Variants in CD247 observed in about 807,000 individuals in gnomAD.
CD247 encodes the protein CD247 molecule.
CD247 carries 13 observed loss-of-function variants against 30.0 expected under a neutral mutation model. The observed-to-expected ratio is 0.43, with a 90% CI of 0.28 to 0.69. CD247 has a LOEUF of 0.69. CD247 is among the 30% of genes least tolerant of loss of function. The pLI is 0.16. For missense variants in CD247, 193 were observed against 212.6 expected (o/e 0.91, Z 0.57); for synonymous variants, 72 against 80.0 (o/e 0.90, Z 0.53).
chr1:167,488,549 G>A (rs1654309596), intron 1 of CD247, among the ~76,000 whole-genome samples: 1 of 152,212 alleles, frequency 6.6e-6, no homozygotes, highest in Admixed American at 6.5e-5. Flanking sequence ...CTGGGGGATG[G>A]AGTGGGATGA....
At chr1:167,484,107 G>T (rs34658129) in intron 1 of CD247, among the ~76,000 whole-genome samples, 1 of 152,240 alleles carries the variant, frequency 6.6e-6, no homozygotes, top group African/African-American at 2.4e-5. Flanking sequence ...ATACAAAATC[G>T]CAGGTGAGAT....
chr1:167,518,393 A>G lies in CD247; in HGVS notation c.58+15T>C, dbSNP rs1655709170. On this transcript the variant is annotated intron_variant, in intron 1 of 7. Transcript: ENST00000362089. ...AGTTTCTAGAAGTTCCCTGCCGTCG[A>G]CACGTCGGCCCTACCTGTAATCGGC... 1.2e-6 allele frequency: 2 copies of G among 1,613,782 alleles called. No homozygotes were observed. Among genetic ancestry groups the G allele is most frequent in the East Asian group, 4.5e-5 (2 of 44,888 alleles).
At chr1:167,472,655 G>A (rs945116337) in intron 1 of CD247, among the ~76,000 whole-genome samples, 1 of 152,116 alleles carries the variant, frequency 6.6e-6, no homozygotes, top group Non-Finnish European at 1.5e-5. Flanking sequence ...TTGAAGTCAG[G>A]TCCTACTGCA....
intron 1 of CD247, among the ~76,000 whole-genome samples, chr1:167,459,321 A>G (rs533904327): frequency 3.7e-4 from 52 of 140,882 alleles, no homozygotes; most frequent in Non-Finnish European, 7.5e-4. Flanking sequence ...GAAATACACT[A>G]CTTTCTCTGG....
chr1:167,514,176 G>A (rs969123931), intron 1 of CD247, among the ~76,000 whole-genome samples: 11 of 151,528 alleles, frequency 7.3e-5, no homozygotes, highest in South Asian at 2.1e-4. Context: ...TTGCTCTGTC[G>A]CCCAGGCTGG....
intron 1 of CD247, among the ~76,000 whole-genome samples, chr1:167,445,791 C>T (rs1381901064): frequency 2.0e-5 from 3 of 152,226 alleles, no homozygotes; most frequent in African/African-American, 7.2e-5. Context: ...AAAATACACG[C>T]TGGTGCCCTT....
In CD247 at chr1:167,508,920, C is replaced by A. The variant is rs1033209491; in HGVS notation, c.58+9488G>T. On this transcript the variant is annotated intron_variant, in intron 1 of 7. Transcript: ENST00000362089. ...GCTTATGGGCTCTCAATCATTTAAC[C>A]TTCATCTTCAAAACACTGGCCTGGC... 4.6e-5 allele frequency among the ~76,000 whole-genome samples: 7 copies of A among 152,146 alleles called. 1 individual carries two copies. In the South Asian group the frequency reaches 8.3e-4, roughly 18 times the overall value.
At chr1:167,504,368 C>T (rs1367853765) in intron 1 of CD247, among the ~76,000 whole-genome samples, 2 of 152,196 alleles carry the variant, frequency 1.3e-5, no homozygotes, top group Non-Finnish European at 2.9e-5. Context: ...GTAATGCAGC[C>T]GCTGACATAC....
In CD247 at chr1:167,439,398, G is replaced by T; in HGVS notation, c.165C>A (p.Phe55Leu). Residue 55 changes from phenylalanine to leucine, a missense_variant and splice_region_variant, in exon 3 of 8, where the codon TTC becomes TTA. Physicochemically the swap from Phe to Leu is conservative, Grantham distance 22. Transcript: ENST00000362089. Reference sequence around the variant, plus strand: ...ACGCGGGGGCGTCTGCGCTCCTGCTGAACTGCAACACAGAAAGCAAAGCGC... The same window carrying T: ...ACGCGGGGGCGTCTGCGCTCCTGCTTAACTGCAACACAGAAAGCAAAGCGC... ...ILTALFLRVK[F>L]SRSADAPAYQ... The T allele has an allele frequency of 6.2e-7, 1 of 1,614,028 alleles. No homozygotes were observed. The highest frequency in any genetic ancestry group is 8.5e-7 in the Non-Finnish European group (1 of 1,179,852).
chr1:167,463,464 G>C (rs1260733102), intron 1 of CD247, among the ~76,000 whole-genome samples: 1 of 152,202 alleles, frequency 6.6e-6, no homozygotes, highest in Non-Finnish European at 1.5e-5. Flanking sequence ...AAAGGAGAAA[G>C]GGAGAGGGAG....
At chr1:167,505,624 C>T (rs188639059) in intron 1 of CD247, among the ~76,000 whole-genome samples, 170 of 152,332 alleles carry the variant, frequency 1.1e-3, no homozygotes, top group African/African-American at 3.6e-3. Context: ...CAGGTCAGGG[C>T]CTATGGCACA....
intron 1 of CD247, among the ~76,000 whole-genome samples, chr1:167,467,074 G>T (rs370511871): frequency 2.6e-5 from 4 of 152,158 alleles, no homozygotes; most frequent in Admixed American, 2.6e-4. Context: ...TCCTGACCTC[G>T]TGATCCGCCC....
chr1:167,518,410 G>C lies in CD247; in HGVS notation c.56C>G (p.Thr19Arg). 6.2e-7 allele frequency: 1 copy of C among 1,614,138 alleles called. No individual in the cohort carries two copies. Reference protein sequence around the residue: ...AAILQAQLPITEAQSFGLLDP... With the variant: ...AAILQAQLPIREAQSFGLLDP... ...TGCCGTCGACACGTCGGCCCTACCT[G>C]TAATCGGCAACTGTGCCTGCAGGAT... The change falls in exon 1 of 8, where the codon ACA becomes AGA. Residue 19 changes from threonine (T) to arginine (R), a missense_variant and splice_region_variant. Transcript: ENST00000362089.
At chr1:167,457,041 C>T (rs894076655) in intron 1 of CD247, among the ~76,000 whole-genome samples, 1 of 152,184 alleles carries the variant, frequency 6.6e-6, no homozygotes, top group African/African-American at 2.4e-5. Flanking sequence ...TTCTGAGGAC[C>T]GGCTTGGTGG....
At chr1:167,480,591 T>G (rs1653935323) in intron 1 of CD247, among the ~76,000 whole-genome samples, 1 of 152,200 alleles carries the variant, frequency 6.6e-6, no homozygotes, top group African/African-American at 2.4e-5. Context: ...AGAGTGACTG[T>G]GGGATATCCT....
At chr1:167,440,211 C>A (rs977669724) in intron 2 of CD247, 2 of 244,036 alleles carry the variant, frequency 8.2e-6, no homozygotes, top group African/African-American at 4.4e-5. Flanking sequence ...CCATGACCAG[C>A]CCCACGAAGA....
At chr1:167,488,888 C>T (rs1378110165) in intron 1 of CD247, among the ~76,000 whole-genome samples, 3 of 152,064 alleles carry the variant, frequency 2.0e-5, no homozygotes, top group Non-Finnish European at 2.9e-5. Context: ...CCCAGGGAAG[C>T]GAGGGTGTGC....
At chr1:167,434,450 A>C in intron 5 of CD247, 1 of 360,550 alleles carries the variant, frequency 2.8e-6, no homozygotes, top group African/African-American at 2.1e-5. Context: ...TACACAGCCA[A>C]ACGGGCTGTA....
chr1:167,505,304 A>G (rs1655071177), intron 1 of CD247, among the ~76,000 whole-genome samples: 1 of 152,134 alleles, frequency 6.6e-6, no homozygotes, highest in Non-Finnish European at 1.5e-5. Flanking sequence ...TTTACATACC[A>G]TAAGACATTG....
Sources: allele counts gnomAD v4.1 joint callset (sites outside exome capture counted in the v4.1 genomes callset), GRCh38; gene constraint gnomAD v4.1.1; transcripts MANE v1.5; gene names NCBI Gene and HGNC (gene_info 2026-07-23, HGNC 2026-07-21).